The following ARHGEF10L variants were observed in gnomAD, a reference collection of about 807,000 sequenced individuals.
The protein encoded by ARHGEF10L is Rho guanine nucleotide exchange factor 10 like, also known as rho guanine nucleotide exchange factor 10-like protein.
In ARHGEF10L, 69 loss-of-function variants were observed where a neutral mutation model predicts 141.2. The ratio of observed to expected loss-of-function variants is 0.49; its 90% CI spans 0.40 to 0.60. The LOEUF (loss-of-function observed/expected upper bound fraction) is 0.60. ARHGEF10L is among the 20% of genes least tolerant of loss of function. The pLI is 0.00. For synonymous variants in ARHGEF10L, 711 were observed against 718.5 expected (o/e 0.99, Z 0.17); for missense variants, 1,482 against 1,734.3 (o/e 0.85, Z 2.58).
In ARHGEF10L at chr1:17,673,892, G is replaced by C. The variant is rs1298592671; in HGVS notation, c.3009+9297G>C. 6.6e-6 allele frequency among the ~76,000 whole-genome samples: 1 copy of C among 152,180 alleles called. No homozygotes were observed. The highest frequency in any genetic ancestry group is 1.5e-5 in the Non-Finnish European group (1 of 68,042). On this transcript the variant is annotated intron_variant, in intron 26 of 28. Transcript: ENST00000361221. The surrounding 1 kb of genome is among the most constrained non-coding windows in gnomAD (Gnocchi z 4.1). ...CACGTGTCAGTTGTTGTGTCATTGT[G>C]GTCACAGGACTTGCTCAGGGTGACT...
intron 26 of ARHGEF10L, among the ~76,000 whole-genome samples, chr1:17,665,702 A>G (rs1453846782): frequency 6.6e-6 from 1 of 152,224 alleles, no homozygotes; most frequent in Non-Finnish European, 1.5e-5. Context: ...TTACTGTATC[A>G]GTCAGGGTTG....
intron 1 of ARHGEF10L, among the ~76,000 whole-genome samples, chr1:17,575,317 T>G (rs982765982): frequency 9.2e-5 from 14 of 152,250 alleles, no homozygotes; most frequent in African/African-American, 2.9e-4. Flanking sequence ...GGTGTGGGCC[T>G]GGGACATAAA....
chr1:17,546,921 G>A (rs2076937832), intron 1 of ARHGEF10L, among the ~76,000 whole-genome samples: 2 of 152,300 alleles, frequency 1.3e-5, no homozygotes, highest in South Asian at 4.1e-4. Context: ...ACTCCAAGAG[G>A]TGGGGTGCAT....
chr1:17,568,471 T>C (rs1211116753), intron 1 of ARHGEF10L, among the ~76,000 whole-genome samples: 2 of 152,076 alleles, frequency 1.3e-5, no homozygotes, highest in South Asian at 2.1e-4. Context: ...GATGGTGACA[T>C]GGCAAAAAGG....
chr1:17,659,614 T>G (rs1414521537), intron 25 of ARHGEF10L, among the ~76,000 whole-genome samples: 1 of 152,124 alleles, frequency 6.6e-6, no homozygotes, highest in East Asian at 1.9e-4. Flanking sequence ...GAACCCACCA[T>G]AGTGGCCCTG....
intron 1 of ARHGEF10L, among the ~76,000 whole-genome samples, chr1:17,572,242 TG>T (rs2078034017): frequency 1.3e-5 from 2 of 152,222 alleles, no homozygotes; most frequent in African/African-American, 2.4e-5. Context: ...CGCCTTGTAC[TG>T]GGTCCATTTT....
At chr1:17,689,518 C>G in intron 27 of ARHGEF10L, among the ~76,000 whole-genome samples, 1 of 17,430 alleles carries the variant, frequency 5.7e-5, no homozygotes, top group Middle Eastern at 0.015. Context: ...CTCCCTCCCT[C>G]CCTCTCTTCT....
intron 7 of ARHGEF10L, among the ~76,000 whole-genome samples, 187 bp downstream of exon 7, chr1:17,608,164 G>A (rs1452297085): frequency 1.3e-5 from 2 of 152,190 alleles, no homozygotes; most frequent in Non-Finnish European, 1.5e-5. Flanking sequence ...GAGGTGACTC[G>A]TAGACATTGC....
At chr1:17,642,362 A>T (rs920062599) in intron 21 of ARHGEF10L, among the ~76,000 whole-genome samples, 2 of 152,238 alleles carry the variant, frequency 1.3e-5, no homozygotes, top group Non-Finnish European at 2.9e-5. Context: ...CAGCACTGGC[A>T]GATGAAGGGG....
chr1:17,537,590 T>A (rs186029453), upstream of ARHGEF10L, among the ~76,000 whole-genome samples: 93 of 152,148 alleles, frequency 6.1e-4, 1 homozygote, highest in Admixed American at 6.1e-3. Context: ...GGAGGCCATG[T>A]GAAAAGGCCT....
chr1:17,652,416 C>G (rs946414153), intron 22 of ARHGEF10L, among the ~76,000 whole-genome samples: 1 of 152,144 alleles, frequency 6.6e-6, no homozygotes, highest in Non-Finnish European at 1.5e-5. Context: ...TGCCTCAGCT[C>G]ATGGTATCTT....
intron 4 of ARHGEF10L, among the ~76,000 whole-genome samples, chr1:17,601,303 G>A (rs76359484): frequency 6.6e-6 from 1 of 152,058 alleles, no homozygotes; most frequent in South Asian, 2.1e-4. Flanking sequence ...CTTGGTTCGG[G>A]ACGTGTCTGC....
Position 17,654,815 on chromosome 1 carries a change from C to CATGAGATGAGGCAGGCAG in ARHGEF10L, c.2481+93_2481+94insATGAGATGAGGCAGGCAG. 2 of 1,157,824 alleles carry CATGAGATGAGGCAGGCAG rather than the reference C, an allele frequency of 1.7e-6. No homozygotes were observed. Among genetic ancestry groups the CATGAGATGAGGCAGGCAG allele is most frequent in the Non-Finnish European group, 2.6e-6 (2 of 776,658 alleles). 71.7% of individuals were successfully genotyped at this position (1,157,824 alleles called of 1,614,324 possible). A position where few individuals can be genotyped will look rare whatever the true frequency, so the allele number is the denominator to read the frequency against. On this transcript the variant is annotated intron_variant, in intron 23 of 28. Transcript: ENST00000361221. This position sits in a 1 kb window ranked among gnomAD's most constrained non-coding sequence, Gnocchi z 4.3. The stretch of plus-strand genomic sequence containing the variant: ...GAGGGGGTGCTGGAGACAGCAGCTG[C>CATGAGATGAGGCAGGCAG]CTGCCTCATCTCATGCAGCTTCATC...
the ARHGEF10L span, among the ~76,000 whole-genome samples, chr1:17,531,389 T>C: frequency 5.3e-4 from 81 of 152,282 alleles, no homozygotes; most frequent in African/African-American, 1.9e-3. Flanking sequence ...GAAGATGTCA[T>C]ATCTGGGAGC....
At chr1:17,668,246 G>A (rs1028266701) in intron 26 of ARHGEF10L, among the ~76,000 whole-genome samples, 3 of 152,230 alleles carry the variant, frequency 2.0e-5, no homozygotes, top group South Asian at 4.1e-4. Context: ...TCCCGGGGTC[G>A]GTGTTGTCAG....
chr1:17,624,271 T>A, intron 12 of ARHGEF10L, 116 bp from the exon 13 acceptor site: 1 of 769,692 alleles, frequency 1.3e-6, no homozygotes. Flanking sequence ...GTGGGGTGAG[T>A]GCAGGCGCCC....
intron 28 of ARHGEF10L, among the ~76,000 whole-genome samples, chr1:17,696,041 TAAA>T (rs1051163090): frequency 6.7e-6 from 1 of 148,828 alleles, no homozygotes; most frequent in East Asian, 2.0e-4. Flanking sequence ...TACTAAAAAA[TAAA>T]AAAAAATAAA....
At chr1:17,584,908 A>C (rs934921064) in intron 2 of ARHGEF10L, among the ~76,000 whole-genome samples, 1 of 152,188 alleles carries the variant, frequency 6.6e-6, no homozygotes, top group African/African-American at 2.4e-5. Flanking sequence ...ATGTAACTGA[A>C]ACAGAAGTGT....
chr1:17,624,512 C>T lies in ARHGEF10L; in HGVS notation c.1317+9C>T. The stretch of plus-strand genomic sequence containing the variant: ...TCCTCGAGTTCCTCAAGGTGGGCCT[C>T]CATGGTGGTACCGTGCCTGGTCAGG... On this transcript the variant is annotated intron_variant, in intron 13 of 28. Coordinates refer to ENST00000361221, the MANE Select transcript of ARHGEF10L (RefSeq NM_018125.4). 1 of 1,608,402 alleles carries T rather than the reference C, an allele frequency of 6.2e-7. No individual in the cohort carries two copies. Among genetic ancestry groups the T allele is most frequent in the Non-Finnish European group, 8.5e-7 (1 of 1,174,834 alleles).
Sources: gnomAD v4.1 joint callset for allele counts (sites outside exome capture counted in the v4.1 genomes callset) on GRCh38, gnomAD v4.1.1 for gene constraint, Gnocchi (gnomAD v3.1) non-coding constraint, MANE v1.5 for transcripts, NCBI Gene and HGNC (gene_info 2026-07-23, HGNC 2026-07-21) for gene names.